Variants in ADAMTSL3 observed in about 807,000 individuals in gnomAD.
ADAMTSL3 encodes the protein ADAMTS like 3.
ADAMTSL3 carries 128 observed loss-of-function variants against 201.7 expected under a neutral mutation model. That is an observed-to-expected ratio of 0.63 (90% confidence interval 0.55 to 0.73). ADAMTSL3 has a LOEUF of 0.73. ADAMTSL3 is among the 30% of genes least tolerant of loss of function. The probability of loss-of-function intolerance (pLI) is 0.00; values close to 1 mark genes in which losing one functional copy is unlikely to be tolerated. For synonymous variants in ADAMTSL3, 738 were observed against 748.4 expected (o/e 0.99, Z 0.23); for missense variants, 1,990 against 2,119.6 (o/e 0.94, Z 1.20).
chr15:83,942,936 A>C lies in ADAMTSL3; in HGVS notation c.2344A>C (p.Arg782=). 1 of 1,608,714 alleles carries C rather than the reference A, an allele frequency of 6.2e-7. No homozygotes were observed. Among genetic ancestry groups the C allele is most frequent in the Non-Finnish European group, 8.5e-7 (1 of 1,177,154 alleles). The change falls in exon 19 of 30, where the codon AGA becomes CGA. Residue 782 remains arginine (R), a synonymous_variant. Coordinates refer to ENST00000286744, the MANE Select transcript of ADAMTSL3 (RefSeq NM_207517.3). ...GACTTGTGGCGGGGGAACTCAGAAC[A>C]GAAGAGTCACCTGTCGGCAGCTGCT... ...SRTCGGGTQN[R]RVTCRQLLTD... is the part of the protein sequence containing the mutation.
chr15:83,880,234 G>A (rs1022013370), intron 9 of ADAMTSL3, among the ~76,000 whole-genome samples: 3 of 151,986 alleles, frequency 2.0e-5, no homozygotes, highest in African/African-American at 7.2e-5. Context: ...CAAGCTCTTT[G>A]TTATGTATTT....
intron 2 of ADAMTSL3, among the ~76,000 whole-genome samples, chr15:83,677,526 T>C (rs2141412221): frequency 6.6e-6 from 1 of 152,310 alleles, no homozygotes; most frequent in East Asian, 1.9e-4. Flanking sequence ...GTCTCCGATA[T>C]TTTTCTTTAC....
chr15:83,871,037 G>A, intron 9 of ADAMTSL3, 78 bp downstream of exon 9: 1 of 1,500,192 alleles, frequency 6.7e-7, no homozygotes, highest in Non-Finnish European at 9.1e-7. Context: ...AGTTTGTTTA[G>A]CAAGAGGTCA....
chr15:84,014,237 C>G (rs2141893060), intron 23 of ADAMTSL3, among the ~76,000 whole-genome samples: 1 of 152,278 alleles, frequency 6.6e-6, no homozygotes, highest in East Asian at 1.9e-4. Context: ...CACACTCCCA[C>G]TACCCTACCC....
intron 7 of ADAMTSL3, among the ~76,000 whole-genome samples, chr15:83,846,847 A>C (rs2064508687): frequency 1.3e-5 from 2 of 152,198 alleles, no homozygotes; most frequent in South Asian, 4.1e-4. Context: ...AAAGGGCAGA[A>C]AATGAGAGTT....
At chr15:83,965,525 T>C (rs2067065894) in intron 19 of ADAMTSL3, among the ~76,000 whole-genome samples, 1 of 152,080 alleles carries the variant, frequency 6.6e-6, no homozygotes, top group Admixed American at 6.5e-5. Context: ...AGCACCCAGA[T>C]TCATAAAGCA....
intron 15 of ADAMTSL3, among the ~76,000 whole-genome samples, chr15:83,911,249 A>G (rs957621952): frequency 2.6e-5 from 4 of 152,214 alleles, no homozygotes; most frequent in African/African-American, 9.6e-5. Flanking sequence ...CATGCTACAT[A>G]TGGGGCAGTT....
At chr15:83,714,109 T>C (rs890241200) in intron 3 of ADAMTSL3, among the ~76,000 whole-genome samples, 1 of 152,232 alleles carries the variant, frequency 6.6e-6, no homozygotes, top group African/African-American at 2.4e-5. Flanking sequence ...TTGGTAGTAC[T>C]CTTAATCTGC....
At chr15:83,979,901 T>C (rs892183836) in intron 20 of ADAMTSL3, among the ~76,000 whole-genome samples, 10 of 152,218 alleles carry the variant, frequency 6.6e-5, no homozygotes, top group African/African-American at 2.4e-4. Context: ...TAATTCATGG[T>C]ACATGCTGGG....
chr15:83,672,996 T>G (rs2585042), intron 2 of ADAMTSL3, among the ~76,000 whole-genome samples: 27 of 152,282 alleles, frequency 1.8e-4, no homozygotes, highest in Non-Finnish European at 3.8e-4. Context: ...GGAGCACTTA[T>G]GCTGCACCCT....
At chr15:83,751,694 T>G (rs923856206) in intron 3 of ADAMTSL3, among the ~76,000 whole-genome samples, 2 of 152,162 alleles carry the variant, frequency 1.3e-5, no homozygotes. Flanking sequence ...TGCAGCATCT[T>G]TAATAAATGC....
intron 16 of ADAMTSL3, among the ~76,000 whole-genome samples, chr15:83,919,584 A>G (rs540171457): frequency 6.6e-6 from 1 of 152,276 alleles, no homozygotes; most frequent in South Asian, 2.1e-4. Flanking sequence ...GGAGATGAAT[A>G]GAGGGGATTT....
intron 7 of ADAMTSL3, among the ~76,000 whole-genome samples, chr15:83,855,364 A>G (rs1429301804): frequency 6.6e-6 from 1 of 152,144 alleles, no homozygotes; most frequent in African/African-American, 2.4e-5. Flanking sequence ...TGCAGCCTCA[A>G]TGTTATATAA....
intron 7 of ADAMTSL3, 41 bp downstream of exon 7, chr15:83,838,256 T>C: frequency 6.2e-7 from 1 of 1,601,304 alleles, no homozygotes. Flanking sequence ...TCATACAAGA[T>C]ATATTTTAGA....
At chr15:83,655,876 G>C in intron 2 of ADAMTSL3, 46 bp downstream of exon 2, 1 of 1,576,328 alleles carries the variant, frequency 6.3e-7, no homozygotes. Context: ...ACATCCCTCT[G>C]TTTACTCAGA....
chr15:83,829,427 A>G (rs1327774700), intron 6 of ADAMTSL3, among the ~76,000 whole-genome samples: 1 of 151,386 alleles, frequency 6.6e-6, no homozygotes, highest in Non-Finnish European at 1.5e-5. Context: ...TTTCTTCTTT[A>G]TTAGTCTTGC....
chr15:83,885,025 T>C (rs1399272821), intron 9 of ADAMTSL3, 76 bp from the exon 10 acceptor site: 4 of 948,294 alleles, frequency 4.2e-6, no homozygotes, highest in Non-Finnish European at 6.6e-6. Context: ...ATGAAGAACA[T>C]TTATCTTATT....
chr15:83,963,359 G>C (rs1021651237), intron 19 of ADAMTSL3, among the ~76,000 whole-genome samples: 4 of 152,162 alleles, frequency 2.6e-5, no homozygotes, highest in African/African-American at 7.2e-5. Flanking sequence ...TGAGTAGGCA[G>C]CTTACCCCTC....
At chr15:83,903,111 A>G (rs568120933) in intron 15 of ADAMTSL3, among the ~76,000 whole-genome samples, 9 of 152,186 alleles carry the variant, frequency 5.9e-5, no homozygotes, top group Admixed American at 3.9e-4. Flanking sequence ...TTGAAATGCT[A>G]TCCTCAATAC....
Sources: gnomAD v4.1 joint callset for allele counts (sites outside exome capture counted in the v4.1 genomes callset) on GRCh38, gnomAD v4.1.1 for gene constraint, MANE v1.5 for transcripts, NCBI Gene and HGNC (gene_info 2026-07-23, HGNC 2026-07-21) for gene names.